CCSER1: variants seen among roughly 807,000 people sequenced by gnomAD.
The protein encoded by CCSER1 is coiled-coil serine rich protein 1, also known as serine-rich coiled-coil domain-containing protein 1.
In CCSER1, 41 loss-of-function variants were observed where a neutral mutation model predicts 82.0. The ratio of observed to expected loss-of-function variants is 0.50; its 90% CI spans 0.39 to 0.65. The LOEUF is 0.65. CCSER1 is among the 30% of genes least tolerant of loss of function. CCSER1 has a pLI of 0.00. For synonymous variants in CCSER1, 414 were observed against 383.9 expected, an observed-to-expected ratio of 1.08 and a Z score of -0.92; for missense variants, 1,119 against 1,064.2, an observed-to-expected ratio of 1.05 and a Z score of -0.72.
intron 10 of CCSER1, among the ~76,000 whole-genome samples, chr4:91,513,960 TTCTGC>T (rs1212543366): frequency 1.3e-5 from 2 of 152,190 alleles, no homozygotes; most frequent in African/African-American, 4.8e-5. Flanking sequence ...TTTCATTCAA[TTCTGC>T]TCTGATTTCA....
At chr4:90,384,216 G>A (rs939833124) in intron 3 of CCSER1, among the ~76,000 whole-genome samples, 1 of 151,548 alleles carries the variant, frequency 6.6e-6, no homozygotes, top group Non-Finnish European at 1.5e-5. Context: ...ATGTATATAT[G>A]TGCCATGTTG....
intron 6 of CCSER1, among the ~76,000 whole-genome samples, chr4:90,723,658 G>A (rs1290155737): frequency 1.3e-5 from 2 of 151,612 alleles, no homozygotes; most frequent in Non-Finnish European, 2.9e-5. Flanking sequence ...CACAAAAAAT[G>A]GCCATTATAT....
chr4:91,307,667 T>C (rs1578164756), intron 10 of CCSER1, among the ~76,000 whole-genome samples: 1 of 151,970 alleles, frequency 6.6e-6, no homozygotes, highest in East Asian at 1.9e-4. Context: ...GAAAGACCTT[T>C]TCCTTGAGAG....
intron 9 of CCSER1, among the ~76,000 whole-genome samples, chr4:90,933,604 G>C (rs1374578966): frequency 6.6e-6 from 1 of 151,568 alleles, no homozygotes; most frequent in East Asian, 1.9e-4. Context: ...TGTCATAAAA[G>C]TACAAAACTA....
At chr4:91,542,278 G>A (rs887470278) in intron 10 of CCSER1, among the ~76,000 whole-genome samples, 1 of 152,106 alleles carries the variant, frequency 6.6e-6, no homozygotes, top group African/African-American at 2.4e-5. Flanking sequence ...ATTGCTTTTG[G>A]TGTTTTAGTC....
intron 9 of CCSER1, among the ~76,000 whole-genome samples, chr4:91,022,768 G>A (rs1740115348): frequency 6.6e-6 from 1 of 152,172 alleles, no homozygotes; most frequent in Non-Finnish European, 1.5e-5. Flanking sequence ...CAGTGATGAT[G>A]AGCATTTTTT....
intron 2 of CCSER1, among the ~76,000 whole-genome samples, 172 bp downstream of exon 2, chr4:90,309,780 T>G (rs1734974785): frequency 6.6e-6 from 1 of 152,172 alleles, no homozygotes; most frequent in East Asian, 1.9e-4. Context: ...GATTTTAAAC[T>G]TACATCAATT....
chr4:90,982,155 A>G (rs1299614185), intron 9 of CCSER1, among the ~76,000 whole-genome samples: 3 of 151,836 alleles, frequency 2.0e-5, no homozygotes, highest in Non-Finnish European at 2.9e-5. Context: ...AAAATCTGAG[A>G]CATTCAAGAT....
intron 5 of CCSER1, among the ~76,000 whole-genome samples, chr4:90,505,297 G>A (rs1770528303): frequency 6.6e-6 from 1 of 152,184 alleles, no homozygotes; most frequent in Non-Finnish European, 1.5e-5. Context: ...ACTGCAACTG[G>A]GCTTCAAAGC....
At chr4:90,751,519 A>T (rs776978207) in intron 7 of CCSER1, among the ~76,000 whole-genome samples, 1 of 152,142 alleles carries the variant, frequency 6.6e-6, no homozygotes, top group African/African-American at 2.4e-5. Flanking sequence ...ACACAGAAAC[A>T]TCAATATAAA....
chr4:90,560,135 G>C (rs1778597310), intron 5 of CCSER1, among the ~76,000 whole-genome samples: 1 of 151,938 alleles, frequency 6.6e-6, no homozygotes, highest in African/African-American at 2.4e-5. Context: ...CTCAAACAGA[G>C]GCTAGTTATG....
intron 7 of CCSER1, among the ~76,000 whole-genome samples, chr4:90,786,468 A>G (rs1436941422): frequency 6.6e-6 from 1 of 151,682 alleles, no homozygotes; most frequent in Non-Finnish European, 1.5e-5. Flanking sequence ...TAGTACTTAG[A>G]GCCTTTAATA....
rs564053885 is a variant in CCSER1 at position 91,418,513 on chromosome 4, G to A, written c.2218-180059G>A. Among the ~76,000 whole-genome samples, 7 of 151,724 alleles carry A rather than the reference G, an allele frequency of 4.6e-5. No individual in the cohort carries two copies. In the East Asian group the frequency reaches 5.8e-4, roughly 13 times the overall value. On this transcript the variant is annotated intron_variant, in intron 10 of 10. Coordinates refer to ENST00000509176, the MANE Select transcript of CCSER1 (RefSeq NM_001145065.2). ...AATTTGTAGAAACATGAAACCTGCC[G>A]AGACTAAATCATAAAGAAATAGAAA...
At chr4:90,611,179 G>A (rs1371723585) in intron 5 of CCSER1, among the ~76,000 whole-genome samples, 1 of 146,710 alleles carries the variant, frequency 6.8e-6, no homozygotes, top group Non-Finnish European at 1.5e-5. Flanking sequence ...AATTACAGGC[G>A]TGAGCCACCG....
Position 91,059,340 on chromosome 4 carries a change from T to C in CCSER1, c.2173-26610T>C, listed in dbSNP as rs1006303986. Among the ~76,000 whole-genome samples, 12 of 150,340 alleles carry C rather than the reference T, an allele frequency of 8.0e-5. No homozygotes were observed. The East Asian group carries it at 2.3e-3, about 29-fold the overall frequency. On this transcript the variant is annotated intron_variant, in intron 9 of 10. Coordinates refer to ENST00000509176, the MANE Select transcript of CCSER1 (RefSeq NM_001145065.2). Reference sequence around the variant, plus strand: ...TATATATACATATAGTGTATATATATGTGTATATATACACGTGTGTATGTG... The same window carrying C: ...TATATATACATATAGTGTATATATACGTGTATATATACACGTGTGTATGTG...
At chr4:90,550,293 A>G (rs1777297961) in intron 5 of CCSER1, among the ~76,000 whole-genome samples, 1 of 152,156 alleles carries the variant, frequency 6.6e-6, no homozygotes, top group African/African-American at 2.4e-5. Context: ...TTATTTATTG[A>G]TATATTTACA....
intron 7 of CCSER1, among the ~76,000 whole-genome samples, chr4:90,798,942 A>G (rs1025034839): frequency 7.9e-5 from 12 of 152,136 alleles, no homozygotes; most frequent in African/African-American, 2.9e-4. Context: ...CAGCCAAAGC[A>G]TTTTTTAGTG....
intron 9 of CCSER1, among the ~76,000 whole-genome samples, chr4:91,035,069 A>T (rs1741318122): frequency 6.6e-6 from 1 of 152,208 alleles, no homozygotes; most frequent in East Asian, 1.9e-4. Flanking sequence ...ATATCAAGGT[A>T]TACTAACATA....
intron 6 of CCSER1, among the ~76,000 whole-genome samples, chr4:90,682,710 A>G (rs1734111409): frequency 1.3e-5 from 2 of 152,064 alleles, no homozygotes. Flanking sequence ...AATAATATCT[A>G]CCAAGATCCA....
Sources: allele counts gnomAD v4.1 joint callset (sites outside exome capture counted in the v4.1 genomes callset), GRCh38; gene constraint gnomAD v4.1.1; transcripts MANE v1.5; gene names NCBI Gene and HGNC (gene_info 2026-07-23, HGNC 2026-07-21).